Variants in DMD observed in about 807,000 individuals in gnomAD.
The protein encoded by DMD is dystrophin, also known as mutant dystrophin.
Under a neutral mutation model 330.1 loss-of-function variants are expected in DMD, and 63 were observed. The ratio of observed to expected loss-of-function variants is 0.19; its 90% CI spans 0.16 to 0.24. The LOEUF (loss-of-function observed/expected upper bound fraction) is 0.24, where lower values mean the gene tolerates loss of function less well. Ranked by LOEUF, DMD falls within the 10% of genes least tolerant of loss-of-function variation. The pLI is 1.00. For missense variants in DMD, 3,344 were observed against 2,684.1 expected (o/e 1.25, Z -5.43); for synonymous variants, 1,223 against 959.8 (o/e 1.27, Z -5.07).
intron 44 of DMD, among the ~76,000 whole-genome samples, chrX:32,088,688 G>A (rs2080228173): frequency 9.2e-6 from 1 of 108,542 alleles, no homozygotes. Flanking sequence ...GTGTGTGTGT[G>A]TGTGTGTGTG....
chrX:32,865,805 C>T (rs1026616013), intron 2 of DMD, among the ~76,000 whole-genome samples: 19 of 112,521 alleles, frequency 1.7e-4, no homozygotes, highest in African/African-American at 6.1e-4. Flanking sequence ...AAATATTTGG[C>T]AAGGAAGCCA....
intron 47 of DMD, among the ~76,000 whole-genome samples, chrX:31,883,674 T>C (rs1280041828): frequency 9.0e-6 from 1 of 111,656 alleles, no homozygotes. Flanking sequence ...AAACTGCTTT[T>C]ACATAATGAA....
At chrX:33,163,312 G>T (rs1015149996) in intron 1 of DMD, among the ~76,000 whole-genome samples, 1 of 109,515 alleles carries the variant, frequency 9.1e-6, no homozygotes, top group African/African-American at 3.3e-5. Context: ...CGAGGCAGGT[G>T]GATCACCCGA....
intron 55 of DMD, among the ~76,000 whole-genome samples, chrX:31,512,549 A>G (rs1429389971): frequency 2.9e-5 from 3 of 104,605 alleles, no homozygotes; most frequent in East Asian, 6.0e-4. Context: ...AGCTTTCTAC[A>G]TATGGCTAGC....
At chrX:31,302,292 T>C (rs1004816569) in intron 62 of DMD, among the ~76,000 whole-genome samples, 1 of 111,899 alleles carries the variant, frequency 8.9e-6, no homozygotes, top group Non-Finnish European at 1.9e-5. Context: ...GACTTAGATA[T>C]GTAACAGTTG....
chrX:32,563,098 T>G (rs1166331740), intron 16 of DMD, among the ~76,000 whole-genome samples: 1 of 110,538 alleles, frequency 9.0e-6, no homozygotes, highest in Non-Finnish European at 1.9e-5. Flanking sequence ...CTCAGCACTT[T>G]GGGAGGCCGA....
chrX:32,302,404 C>T (rs1006479328), intron 42 of DMD, among the ~76,000 whole-genome samples: 1 of 111,061 alleles, frequency 9.0e-6, no homozygotes, highest in Non-Finnish European at 1.9e-5. Flanking sequence ...CATCACAAGT[C>T]AAGGAACATT....
intron 77 of DMD, among the ~76,000 whole-genome samples, chrX:31,130,242 C>G (rs1290309240): frequency 8.9e-6 from 1 of 111,947 alleles, no homozygotes; most frequent in East Asian, 2.8e-4. Context: ...GACTTATGGA[C>G]AAATCACTTA....
At chrX:32,125,518 GGGGT>G (rs2096657671) in intron 44 of DMD, among the ~76,000 whole-genome samples, 1 of 111,630 alleles carries the variant, frequency 9.0e-6, no homozygotes, top group African/African-American at 3.3e-5. Flanking sequence ...ATTAGGCAGG[GGGGT>G]ATGTATATAA....
chrX:31,245,929 C>A (rs2048790007), intron 63 of DMD, among the ~76,000 whole-genome samples: 1 of 111,493 alleles, frequency 9.0e-6, no homozygotes, highest in Non-Finnish European at 1.9e-5. Flanking sequence ...GAAGAAAGAG[C>A]CATACCTCTG....
intron 2 of DMD, among the ~76,000 whole-genome samples, chrX:32,913,960 T>C (rs1291431990): frequency 3.6e-5 from 4 of 111,656 alleles, no homozygotes; most frequent in Non-Finnish European, 7.5e-5. Context: ...ACTATTGTTT[T>C]CCCCCGTTTT....
At chrX:31,934,842 A>G (rs762181309) in intron 45 of DMD, among the ~76,000 whole-genome samples, 16 of 112,391 alleles carry the variant, frequency 1.4e-4, no homozygotes, top group African/African-American at 4.2e-4. Context: ...TTTTGAACTA[A>G]TAATTAACAT....
chrX:32,830,764 T>C (rs1336475662), intron 4 of DMD, among the ~76,000 whole-genome samples: 1 of 111,624 alleles, frequency 9.0e-6, no homozygotes, highest in African/African-American at 3.2e-5. Context: ...TACACTGTTA[T>C]CTTCGGAAGT....
intron 55 of DMD, among the ~76,000 whole-genome samples, chrX:31,549,760 T>C (rs1921958): frequency 0.15 from 16,988 of 111,844 alleles, 1,150 homozygotes; most frequent in Admixed American, 0.23. Context: ...ACAAAACACA[T>C]TCATAAATTC....
intron 55 of DMD, among the ~76,000 whole-genome samples, chrX:31,553,973 A>G (rs1017197989): frequency 8.9e-6 from 1 of 112,693 alleles, no homozygotes; most frequent in Admixed American, 9.4e-5. Flanking sequence ...TTCAATGAAT[A>G]CATATTTACA....
intron 60 of DMD, among the ~76,000 whole-genome samples, chrX:31,401,714 T>C (rs771215278): frequency 1.5e-4 from 17 of 111,489 alleles, no homozygotes; most frequent in African/African-American, 5.2e-4. Context: ...AGAAAGTAAA[T>C]ATTTCTGGCT....
intron 63 of DMD, among the ~76,000 whole-genome samples, chrX:31,242,233 G>A (rs1042327661): frequency 3.7e-4 from 30 of 81,633 alleles, no homozygotes; most frequent in Non-Finnish European, 5.9e-4. Flanking sequence ...CCCAGCCTGG[G>A]CGACAAAGTG....
At chrX:31,484,441 T>C (rs2068632045) in intron 57 of DMD, among the ~76,000 whole-genome samples, 1 of 112,070 alleles carries the variant, frequency 8.9e-6, no homozygotes, top group African/African-American at 3.2e-5. Context: ...AAATTATCTT[T>C]GTTAAAACAC....
At chrX:33,308,951 A>G (rs1003367969) in intron 1 of DMD, among the ~76,000 whole-genome samples, 1 of 111,591 alleles carries the variant, frequency 9.0e-6, no homozygotes, top group Non-Finnish European at 1.9e-5. Flanking sequence ...CACAGTCAGT[A>G]AACATTTTAT....
Sources: allele counts gnomAD v4.1 joint callset (sites outside exome capture counted in the v4.1 genomes callset), GRCh38; gene constraint gnomAD v4.1.1; transcripts MANE v1.5; gene names NCBI Gene and HGNC (gene_info 2026-07-23, HGNC 2026-07-21).